BBS9: variants seen among roughly 807,000 people sequenced by gnomAD.
BBS9 encodes the protein protein PTHB1.
In BBS9, 89 loss-of-function variants were observed where a neutral mutation model predicts 117.7. The observed-to-expected ratio is 0.76, with a 90% confidence interval of 0.64 to 0.90. BBS9 has a LOEUF of 0.90. Ranked by LOEUF, BBS9 falls within the 40% of genes least tolerant of loss-of-function variation. The pLI, the probability that BBS9 is intolerant of heterozygous loss-of-function variation, is 0.00. For missense variants in BBS9, 982 were observed against 1,042.2 expected (o/e 0.94, Z 0.80); for synonymous variants, 379 against 370.9 (o/e 1.02, Z -0.25).
At chr7:33,600,124 C>T (rs1863568480) in intron 21 of BBS9, among the ~76,000 whole-genome samples, 1 of 152,140 alleles carries the variant, frequency 6.6e-6, no homozygotes, top group East Asian at 1.9e-4. Flanking sequence ...TAAGTTAGAT[C>T]ATATCTAACT....
chr7:33,348,988 G>C, intron 12 of BBS9, 80 bp from the exon 13 acceptor site: 1 of 988,550 alleles, frequency 1.0e-6, no homozygotes, highest in South Asian at 1.3e-5. Context: ...TTATTTGCTA[G>C]TTATGTTTAA....
chr7:33,294,468 G>C (rs762803111), intron 9 of BBS9, among the ~76,000 whole-genome samples: 3 of 152,060 alleles, frequency 2.0e-5, no homozygotes, highest in African/African-American at 7.2e-5. Flanking sequence ...TTGCCAGAGA[G>C]GGCAGGCAGA....
chr7:33,521,889 C>T (rs925394338), intron 20 of BBS9, among the ~76,000 whole-genome samples: 1 of 113,164 alleles, frequency 8.8e-6, no homozygotes, highest in Admixed American at 1.0e-4. Context: ...AATGCTATCC[C>T]TCCCCCCTCC....
At position 33,193,421 on chromosome 7, in the gene BBS9, C is replaced by CGTTTTTTTTTTTTTTTT. The variant is rs1562773513; in HGVS notation, c.442+15830_442+15831insGTTTTTTTTTTTTTTTT. Among the ~76,000 whole-genome samples, 6 of 67,792 alleles carry CGTTTTTTTTTTTTTTTT rather than the reference C, an allele frequency of 8.9e-5. 2 individuals carry two copies. Among genetic ancestry groups the CGTTTTTTTTTTTTTTTT allele is most frequent in the African/African-American group, 1.1e-4 (2 of 18,596 alleles). The allele number at this position is 67,792 out of a possible 152,430, so 44.5% of individuals were successfully genotyped here. ...TTGTCTTCCCCTGTCCCTCTCTCTGCCTTTTTTTTTTTTTTTTTTTGTAGT... is the reference window on the plus strand; with the variant it reads ...TTGTCTTCCCCTGTCCCTCTCTCTGCGTTTTTTTTTTTTTTTTCTTTTTTTTTTTTTTTTTTTGTAGT... On this transcript the variant is annotated intron_variant, in intron 5 of 22. Coordinates refer to ENST00000242067, the MANE Select transcript of BBS9 (RefSeq NM_198428.3).
intron 21 of BBS9, among the ~76,000 whole-genome samples, chr7:33,562,850 G>A (rs1319212234): frequency 6.6e-6 from 1 of 152,158 alleles, no homozygotes; most frequent in Non-Finnish European, 1.5e-5. Flanking sequence ...CTTGAACCCA[G>A]GAGGTGGAAG....
At chr7:33,482,302 C>A (rs917038177) in intron 19 of BBS9, among the ~76,000 whole-genome samples, 3 of 152,168 alleles carry the variant, frequency 2.0e-5, no homozygotes, top group African/African-American at 7.2e-5. Context: ...TACCATGTTG[C>A]CTTGGATGGG....
intron 9 of BBS9, among the ~76,000 whole-genome samples, chr7:33,276,209 T>A (rs1800740675): frequency 6.6e-6 from 1 of 152,240 alleles, no homozygotes; most frequent in Non-Finnish European, 1.5e-5. Context: ...CTATAATTAA[T>A]GCATGAAAAA....
intron 1 of BBS9, among the ~76,000 whole-genome samples, chr7:33,130,790 A>G (rs901914718): frequency 6.6e-6 from 1 of 152,242 alleles, no homozygotes; most frequent in African/African-American, 2.4e-5. Context: ...AAAAAACTTT[A>G]TTTTGAAAAT....
intron 21 of BBS9, among the ~76,000 whole-genome samples, chr7:33,591,864 C>T (rs764014690): frequency 5.3e-5 from 8 of 149,742 alleles, no homozygotes; most frequent in African/African-American, 1.5e-4. Flanking sequence ...TGGCCGTCGT[C>T]GCCATCATCA....
At chr7:33,574,714 C>T (rs1454211971) in intron 21 of BBS9, among the ~76,000 whole-genome samples, 6 of 147,410 alleles carry the variant, frequency 4.1e-5, no homozygotes, top group African/African-American at 1.3e-4. Flanking sequence ...CACACACACA[C>T]ACACACACAC....
chr7:33,585,347 T>C (rs540070055), intron 21 of BBS9, among the ~76,000 whole-genome samples: 1 of 152,260 alleles, frequency 6.6e-6, no homozygotes, highest in African/African-American at 2.4e-5. Context: ...ATCTTCTTTT[T>C]GCCAGTCTAG....
intron 19 of BBS9, among the ~76,000 whole-genome samples, chr7:33,472,059 C>T (rs886549400): frequency 2.6e-5 from 4 of 152,196 alleles, no homozygotes; most frequent in Non-Finnish European, 4.4e-5. Context: ...GACAGAGAAA[C>T]TTCTAGAGGA....
intron 9 of BBS9, among the ~76,000 whole-genome samples, chr7:33,313,664 G>C (rs1387182624): frequency 6.6e-6 from 1 of 152,124 alleles, no homozygotes; most frequent in Non-Finnish European, 1.5e-5. Flanking sequence ...TTTTTGTGCA[G>C]AATTCTTGCT....
At chr7:33,572,145 G>A (rs1261232266) in intron 21 of BBS9, among the ~76,000 whole-genome samples, 2 of 151,824 alleles carry the variant, frequency 1.3e-5, no homozygotes, top group African/African-American at 4.8e-5. Context: ...ATTTCCATGA[G>A]GTCAATATTT....
chr7:33,305,731 ATGTATCATTGGT>A (rs1391132586), intron 9 of BBS9, among the ~76,000 whole-genome samples: 2 of 151,974 alleles, frequency 1.3e-5, no homozygotes, highest in African/African-American at 4.8e-5. Flanking sequence ...CTTTTAATTT[ATGTATCATTGGT>A]TGTAATGTCT....
rs946146001 is a variant in BBS9, at chr7:33,372,513, G to A, written c.1789+4651G>A. ...CCTGGAATCAATCCCACTTGATCAT[G>A]GTGAATGATCTTTTTAATGTGCTGT... On this transcript the variant is annotated intron_variant, in intron 17 of 22. Transcript: ENST00000242067. Among the ~76,000 whole-genome samples the A allele has an allele frequency of 2.0e-5, 3 of 152,176 alleles. No individual in the cohort carries two copies. In the East Asian group the frequency reaches 5.8e-4, roughly 29 times the overall value.
At chr7:33,352,707 T>C (rs1009587602) in intron 14 of BBS9, 152 bp from the exon 15 acceptor site, 13 of 827,790 alleles carry the variant, frequency 1.6e-5, no homozygotes, top group Non-Finnish European at 2.0e-5. Context: ...TTGACTTGTG[T>C]TTGGAGAGTC....
chr7:33,463,645 A>G (rs1039384965), intron 19 of BBS9, among the ~76,000 whole-genome samples: 11 of 152,172 alleles, frequency 7.2e-5, no homozygotes, highest in Admixed American at 1.3e-4. Flanking sequence ...AGCTAGTACA[A>G]TCGGGTTTAT....
chr7:33,307,852 G>T (rs1214931509), intron 9 of BBS9, among the ~76,000 whole-genome samples: 1 of 151,750 alleles, frequency 6.6e-6, no homozygotes, highest in South Asian at 2.1e-4. Flanking sequence ...AGGGCTGATG[G>T]TATTTGTTAC....
Sources: allele counts gnomAD v4.1 joint callset (sites outside exome capture counted in the v4.1 genomes callset), GRCh38; gene constraint gnomAD v4.1.1; transcripts MANE v1.5; gene names NCBI Gene and HGNC (gene_info 2026-07-23, HGNC 2026-07-21).